FYCO1: variants seen among roughly 807,000 people sequenced by gnomAD.
FYCO1 encodes the protein FYVE and coiled-coil domain autophagy adaptor 1.
In FYCO1, 122 loss-of-function variants were observed where a neutral mutation model predicts 165.1. The observed-to-expected ratio is 0.74, with a 90% confidence interval of 0.64 to 0.86. FYCO1 has a LOEUF of 0.86. Among genes scored for constraint, FYCO1 ranks in the 40% least tolerant of loss-of-function variants. The pLI is 0.00. For missense variants in FYCO1, 1,702 were observed against 1,810.3 expected (o/e 0.94, Z 1.09); for synonymous variants, 648 against 742.5 (o/e 0.87, Z 2.07).
chr3:45,986,320 C>A (rs1236697987), intron 1 of FYCO1, among the ~76,000 whole-genome samples: 2 of 152,160 alleles, frequency 1.3e-5, no homozygotes, highest in African/African-American at 4.8e-5. Context: ...AATGTGAACA[C>A]CCTGAGTGTT....
rs1223906648 is a variant in FYCO1 at position 45,921,192 on chromosome 3, T to C, written c.*573A>G. On this transcript the variant is annotated 3_prime_UTR_variant, in exon 18 of 18. Transcript: ENST00000296137. ...AGCAGCCTCCAGCTTACTGGGGCAG[T>C]GAGGGACAAGAGCATGACTGGAGGA... The C allele has an allele frequency of 5.4e-6, 1 of 183,790 alleles. No individual in the cohort carries two copies. The highest frequency in any genetic ancestry group is 2.4e-5 in the African/African-American group (1 of 42,352). 11.4% of individuals were successfully genotyped at this position (183,790 alleles called of 1,614,324 possible).
At chr3:45,922,910 T>A (rs767426205) in intron 17 of FYCO1, among the ~76,000 whole-genome samples, 1 of 152,202 alleles carries the variant, frequency 6.6e-6, no homozygotes, top group Non-Finnish European at 1.5e-5. Flanking sequence ...AAAGAGCTGG[T>A]TCCAGTTAAG....
In FYCO1 at chr3:45,993,176, C is replaced by T; in HGVS notation, c.-113+2546G>A. Among the ~76,000 whole-genome samples the T allele has an allele frequency of 6.6e-6, 1 of 152,208 alleles. No individual in the cohort carries two copies. Among genetic ancestry groups the T allele is most frequent in the South Asian group, 2.1e-4 (1 of 4,828 alleles). ...AAATGGCATCCGGCCTAATGAGAAA[C>T]AGGCCCTTGGTGCCTTTCAAATGCC... On this transcript the variant is annotated intron_variant, in intron 1 of 17. Coordinates refer to ENST00000296137, the MANE Select transcript of FYCO1 (RefSeq NM_024513.4). This position sits in a 1 kb window ranked among gnomAD's most constrained non-coding sequence, Gnocchi z 4.4.
At chr3:45,929,249 T>G (rs1010781411) in intron 16 of FYCO1, among the ~76,000 whole-genome samples, 124 of 152,276 alleles carry the variant, frequency 8.1e-4, no homozygotes, top group African/African-American at 2.6e-3. Context: ...CTGGTGTCAC[T>G]GTGGGGAAAG....
At chr3:45,946,921 G>A in intron 14 of FYCO1, 1 of 1,614,222 alleles carries the variant, frequency 6.2e-7, no homozygotes, top group Non-Finnish European at 8.5e-7. Context: ...AGGATGACCT[G>A]GGGCAAGGTC....
At position 45,954,848 on chromosome 3, in the gene FYCO1, G is replaced by A. The variant is rs59656594; in HGVS notation, c.3944+401C>T. On this transcript the variant is annotated intron_variant, in intron 14 of 17. Transcript: ENST00000296137. ...AGGGGGCAGATATCTGCAAGCCAAG[G>A]AGAAGCATCTTGCAGGAAACCAGCC... Among the ~76,000 whole-genome samples, 360 of 152,316 alleles carry A rather than the reference G, an allele frequency of 2.4e-3. 4 individuals carry two copies. The highest frequency in any genetic ancestry group is 7.5e-3 in the African/African-American group (313 of 41,568).
chr3:45,969,199 T>TA (rs963584143), intron 7 of FYCO1, among the ~76,000 whole-genome samples: 3 of 152,108 alleles, frequency 2.0e-5, no homozygotes, highest in Admixed American at 1.3e-4. Flanking sequence ...TTCACATTTC[T>TA]AAAAAAAATT....
In FYCO1 at chr3:45,985,037, G is replaced by T; in HGVS notation, c.-112-15C>A. 1 of 865,162 alleles carries T rather than the reference G, an allele frequency of 1.2e-6. No individual in the cohort carries two copies. Among genetic ancestry groups the T allele is most frequent in the Non-Finnish European group, 2.0e-6 (1 of 502,716 alleles). 53.6% of individuals were successfully genotyped at this position (865,162 alleles called of 1,614,324 possible). On this transcript the variant is annotated splice_polypyrimidine_tract_variant and intron_variant, in intron 1 of 17. Coordinates refer to ENST00000296137, the MANE Select transcript of FYCO1 (RefSeq NM_024513.4). The stretch of plus-strand genomic sequence containing the variant: ...CATGGTGGCACCTGCACAGAGGAAG[G>T]GGAGGCCATGGAGGAAGCAGATACA...
At chr3:45,923,606 G>A (rs1332788665) in intron 17 of FYCO1, 50 bp downstream of exon 17, 1 of 1,108,156 alleles carries the variant, frequency 9.0e-7, no homozygotes, top group African/African-American at 1.5e-5. Context: ...CTTTAGAAGA[G>A]GTGAAAGAGA....
chr3:45,946,704 C>T (rs757011184), intron 14 of FYCO1: 2 of 1,614,240 alleles, frequency 1.2e-6, no homozygotes, highest in Non-Finnish European at 1.7e-6. Flanking sequence ...GAACCTACCC[C>T]TGGCTGACCT....
chr3:45,930,227 C>G (rs1360424580), intron 16 of FYCO1, among the ~76,000 whole-genome samples: 1 of 152,222 alleles, frequency 6.6e-6, no homozygotes, highest in Non-Finnish European at 1.5e-5. Context: ...TCAAATGGAA[C>G]TTGTGTTTCC....
intron 6 of FYCO1, among the ~76,000 whole-genome samples, chr3:45,971,670 A>T (rs1706453024): frequency 2.0e-5 from 3 of 152,268 alleles, no homozygotes; most frequent in Admixed American, 2.0e-4. Context: ...TTTACAAAAT[A>T]ACTGGCCTGT....
chr3:45,964,731 G>A lies in FYCO1; in HGVS notation c.3151-277C>T, dbSNP rs760136326. Among the ~76,000 whole-genome samples, 1 of 152,190 alleles carries A rather than the reference G, an allele frequency of 6.6e-6. No homozygotes were observed. Among genetic ancestry groups the A allele is most frequent in the African/African-American group, 2.4e-5 (1 of 41,462 alleles). ...GCAGGATTCACCTGAACAAGTCACT[G>A]CTCTGAAGACTGTGGATCCAGTGCC... On this transcript the variant is annotated intron_variant, in intron 9 of 17. Transcript: ENST00000296137. This position sits in a 1 kb window ranked among gnomAD's most constrained non-coding sequence, Gnocchi z 4.1.
rs758176958 is a variant in FYCO1, at chr3:45,967,046, T to C, written c.2288A>G (p.Glu763Gly). The change falls in exon 8 of 18, where the codon GAA becomes GGA. Residue 763 changes from glutamate to glycine, a missense_variant. By Grantham distance (98) the Glu-to-Gly change is moderately conservative. Coordinates refer to ENST00000296137, the MANE Select transcript of FYCO1 (RefSeq NM_024513.4). ...QQGVGPPTDNEARELAAQLAL... is the reference protein window; with the variant it reads ...QQGVGPPTDNGARELAAQLAL... Reference sequence around the variant, plus strand: ...TAGCTGGGCAGCCAGCTCACGGGCTTCATTGTCAGTGGGTGGGCCAACTCC... The same window carrying C: ...TAGCTGGGCAGCCAGCTCACGGGCTCCATTGTCAGTGGGTGGGCCAACTCC... 1 of 1,613,476 alleles carries C rather than the reference T, an allele frequency of 6.2e-7. No homozygotes were observed. The highest frequency in any genetic ancestry group is 1.6e-4 in the Middle Eastern group (1 of 6,084).
chr3:45,977,964 C>T (rs1706855362), intron 4 of FYCO1, among the ~76,000 whole-genome samples: 1 of 152,152 alleles, frequency 6.6e-6, no homozygotes, highest in South Asian at 2.1e-4. Flanking sequence ...GAGCAGTCTT[C>T]AACAGAGATG....
At chr3:45,982,848 T>G (rs1477279119) in intron 2 of FYCO1, among the ~76,000 whole-genome samples, 1 of 152,208 alleles carries the variant, frequency 6.6e-6, no homozygotes, top group Non-Finnish European at 1.5e-5. Flanking sequence ...TGTTGTCCAC[T>G]GTACCTTGCT....
Position 45,968,268 on chromosome 3 carries a change from C to A in FYCO1, c.1066G>T (p.Asp356Tyr). 1 of 1,613,982 alleles carries A rather than the reference C, an allele frequency of 6.2e-7. No individual in the cohort carries two copies. The highest frequency in any genetic ancestry group is 8.5e-7 in the Non-Finnish European group (1 of 1,180,004). Residue 356 changes from aspartate to tyrosine, a missense_variant, in exon 8 of 18, where the codon GAC becomes TAC. By Grantham distance (160) the Asp-to-Tyr change is radical. Transcript: ENST00000296137. ...TGCTGGTTTTTCTTGTCCAGTGAGTCCCGTGTGGCCTCAAGCTCCTGTGCC... is the reference window on the plus strand; with the variant it reads ...TGCTGGTTTTTCTTGTCCAGTGAGTACCGTGTGGCCTCAAGCTCCTGTGCC... ...PLAQELEATR[D>Y]SLDKKNQHLA...
chr3:45,972,195 C>T (rs1031313982), intron 6 of FYCO1, among the ~76,000 whole-genome samples: 2 of 152,094 alleles, frequency 1.3e-5, no homozygotes, highest in African/African-American at 2.4e-5. Context: ...GTGGCTCACA[C>T]CTGTAATCCC....
intron 6 of FYCO1, among the ~76,000 whole-genome samples, chr3:45,970,913 CA>C (rs1706408280): frequency 6.6e-6 from 1 of 151,414 alleles, no homozygotes; most frequent in Non-Finnish European, 1.5e-5. Context: ...AAAATATTTA[CA>C]AATACACAAT....
Sources: allele counts gnomAD v4.1 joint callset (sites outside exome capture counted in the v4.1 genomes callset), GRCh38; gene constraint gnomAD v4.1.1; non-coding constraint Gnocchi (gnomAD v3.1); transcripts MANE v1.5; gene names NCBI Gene and HGNC (gene_info 2026-07-23, HGNC 2026-07-21).